FAM171A1: variants seen among roughly 807,000 people sequenced by gnomAD.
The protein encoded by FAM171A1 is family with sequence similarity 171 member A1.
In FAM171A1, 23 loss-of-function variants were observed where a neutral mutation model predicts 74.9. The ratio of observed to expected loss-of-function variants is 0.31; its 90% CI spans 0.22 to 0.44. FAM171A1 has a LOEUF of 0.44. Among genes scored for constraint, FAM171A1 ranks in the 20% least tolerant of loss-of-function variants. FAM171A1 has a pLI of 1.00. For synonymous variants in FAM171A1, 527 were observed against 505.7 expected (o/e 1.04, Z -0.57); for missense variants, 1,162 against 1,159.2 (o/e 1.00, Z -0.03).
At chr10:15,242,411 C>T (rs561987596) in intron 5 of FAM171A1, among the ~76,000 whole-genome samples, 5 of 152,294 alleles carry the variant, frequency 3.3e-5, no homozygotes, top group African/African-American at 7.2e-5. Context: ...TATCCACAAA[C>T]GTTGGCTTTT....
At chr10:15,279,478 G>C (rs555940820) in intron 2 of FAM171A1, among the ~76,000 whole-genome samples, 1 of 152,104 alleles carries the variant, frequency 6.6e-6, no homozygotes, top group Non-Finnish European at 1.5e-5. Flanking sequence ...TCACAGAGGG[G>C]AGGCTGATTG....
intron 3 of FAM171A1, among the ~76,000 whole-genome samples, chr10:15,270,045 G>A (rs569833098): frequency 3.9e-5 from 6 of 152,272 alleles, no homozygotes; most frequent in Admixed American, 2.6e-4. Flanking sequence ...GGGGCTTGTC[G>A]GACAGTAGGT....
chr10:15,312,692 T>TTG (rs1835377329), intron 1 of FAM171A1, among the ~76,000 whole-genome samples: 1 of 117,610 alleles, frequency 8.5e-6, no homozygotes, highest in Non-Finnish European at 1.8e-5. Flanking sequence ...TTTTTTTTTT[T>TTG]TTTTTTTTTT....
intron 3 of FAM171A1, among the ~76,000 whole-genome samples, chr10:15,267,171 G>A (rs957401287): frequency 6.6e-6 from 1 of 152,224 alleles, no homozygotes; most frequent in African/African-American, 2.4e-5. Context: ...GAGATCAACA[G>A]GGCCTGTGTC....
chr10:15,337,149 A>G (rs1835710751), intron 1 of FAM171A1, among the ~76,000 whole-genome samples: 1 of 151,874 alleles, frequency 6.6e-6, no homozygotes, highest in Admixed American at 6.6e-5. Flanking sequence ...CCAAAGTGTC[A>G]GGATTACATG....
chr10:15,352,990 T>C (rs1835896345), intron 1 of FAM171A1, among the ~76,000 whole-genome samples: 1 of 152,226 alleles, frequency 6.6e-6, no homozygotes, highest in South Asian at 2.1e-4. Context: ...ATGCAGGGCC[T>C]GGATAGCAAA....
intron 1 of FAM171A1, among the ~76,000 whole-genome samples, chr10:15,301,697 G>A (rs1281055228): frequency 6.6e-6 from 1 of 152,116 alleles, no homozygotes; most frequent in African/African-American, 2.4e-5. Flanking sequence ...GTGGGAAATG[G>A]GGTTCAGGGA....
intron 1 of FAM171A1, among the ~76,000 whole-genome samples, chr10:15,312,587 G>A (rs953000648): frequency 6.7e-6 from 1 of 148,830 alleles, no homozygotes; most frequent in Non-Finnish European, 1.5e-5. Flanking sequence ...AGAGGTGCCC[G>A]GCTGCAAACT....
At chr10:15,258,356 C>T (rs1031043321) in intron 3 of FAM171A1, among the ~76,000 whole-genome samples, 1 of 152,028 alleles carries the variant, frequency 6.6e-6, no homozygotes, top group Non-Finnish European at 1.5e-5. Flanking sequence ...CTTCCCTCTT[C>T]TCTTCTGCCC....
intron 3 of FAM171A1, among the ~76,000 whole-genome samples, chr10:15,267,190 G>A (rs1834755914): frequency 6.6e-6 from 1 of 152,236 alleles, no homozygotes; most frequent in Admixed American, 6.5e-5. Context: ...TCAGGGCATG[G>A]GCATGGCAAT....
chr10:15,227,156 C>T (rs1383037119), intron 5 of FAM171A1, among the ~76,000 whole-genome samples: 1 of 152,098 alleles, frequency 6.6e-6, no homozygotes, highest in Non-Finnish European at 1.5e-5. Flanking sequence ...CCTGCCACCA[C>T]AACCAGCTAA....
chr10:15,355,399 G>A (rs751014258), intron 1 of FAM171A1, among the ~76,000 whole-genome samples: 3 of 152,116 alleles, frequency 2.0e-5, no homozygotes, highest in Non-Finnish European at 2.9e-5. Flanking sequence ...TATATCAACA[G>A]TTGCACCTTC....
chr10:15,285,094 C>T (rs1028142582), intron 1 of FAM171A1, among the ~76,000 whole-genome samples: 1 of 152,096 alleles, frequency 6.6e-6, no homozygotes, highest in Non-Finnish European at 1.5e-5. Context: ...GGATAGTTAC[C>T]GAACTTTTAC....
chr10:15,369,421 A>G (rs1332818366), intron 1 of FAM171A1, among the ~76,000 whole-genome samples: 2 of 152,168 alleles, frequency 1.3e-5, no homozygotes, highest in African/African-American at 4.8e-5. Context: ...AAGAAGCTGC[A>G]ATGCAACACT....
chr10:15,311,533 A>T (rs552844426), intron 1 of FAM171A1, among the ~76,000 whole-genome samples: 2 of 152,298 alleles, frequency 1.3e-5, no homozygotes, highest in Non-Finnish European at 2.9e-5. Flanking sequence ...ATTAAAAATG[A>T]GAAATAAATT....
At chr10:15,240,643 TC>T (rs1834352051) in intron 5 of FAM171A1, 2 of 881,246 alleles carry the variant, frequency 2.3e-6, no homozygotes, top group African/African-American at 3.6e-5. Context: ...AGAGAGCATC[TC>T]TAGTTCTCTC....
intron 5 of FAM171A1, among the ~76,000 whole-genome samples, chr10:15,233,828 G>T (rs1488952245): frequency 6.6e-6 from 1 of 151,448 alleles, no homozygotes; most frequent in Non-Finnish European, 1.5e-5. Context: ...CTTGAACCAG[G>T]GAGTCAGAGG....
chr10:15,216,985 A>G (rs530948076), intron 6 of FAM171A1, among the ~76,000 whole-genome samples: 2 of 152,302 alleles, frequency 1.3e-5, no homozygotes, highest in Non-Finnish European at 2.9e-5. Context: ...TTTAACACTT[A>G]ATACAGGTAT....
In FAM171A1 at chr10:15,262,543, G is replaced by A. The variant is rs118059893; in HGVS notation, c.419-7664C>T. 6.6e-3 allele frequency among the ~76,000 whole-genome samples: 1,008 copies of A among 152,278 alleles called. 5 individuals are homozygous for A. The highest frequency in any genetic ancestry group is 9.7e-3 in the Non-Finnish European group (658 of 68,020). On this transcript the variant is annotated intron_variant, in intron 3 of 7. Transcript: ENST00000378116. ...TAGGAAGAAGTGGCCACTAGGTCAC[G>A]TAACTGTAGCTCTGCTGAGCTCAGC...
Sources: gnomAD v4.1 joint callset for allele counts (sites outside exome capture counted in the v4.1 genomes callset) on GRCh38, gnomAD v4.1.1 for gene constraint, MANE v1.5 for transcripts, NCBI Gene and HGNC (gene_info 2026-07-23, HGNC 2026-07-21) for gene names.